MYH10: variants seen among roughly 807,000 people sequenced by gnomAD.
MYH10 encodes myosin heavy chain 10, also known as myosin-10.
A neutral mutation model predicts 257.8 loss-of-function variants in MYH10; 55 were observed. That is an observed-to-expected ratio of 0.21 (90% CI 0.17 to 0.27). The LOEUF is 0.27. Ranked by LOEUF, MYH10 falls within the 10% of genes least tolerant of loss-of-function variation. MYH10 has a pLI of 1.00. For missense variants in MYH10, 1,631 were observed against 2,500.6 expected, an observed-to-expected ratio of 0.65 and a Z score of 7.42; for synonymous variants, 854 against 921.7, an observed-to-expected ratio of 0.93 and a Z score of 1.33.
intron 24 of MYH10, chr17:8,511,015 C>CATATATATAT (rs56144668): frequency 3.0e-4 from 36 of 120,518 alleles, no homozygotes; most frequent in African/African-American, 1.3e-3. Context: ...TCATGTACCC[C>CATATATATAT]ATATATATAT....
In MYH10 at chr17:8,500,442, A is replaced by C. The variant is rs776156096; in HGVS notation, c.3744+384T>G. On this transcript the variant is annotated intron_variant, in intron 29 of 42. Transcript: ENST00000360416. ...GGACAAGAAGGGAGAGATGAATGTC[A>C]GGAACCCCTGAAGGGGAACATCGGC... Among the ~76,000 whole-genome samples the C allele has an allele frequency of 3.5e-4, 53 of 152,244 alleles. 2 individuals carry two copies. The highest frequency in any genetic ancestry group is 5.8e-4 in the East Asian group (3 of 5,204).
chr17:8,586,914 T>C (rs909647142), intron 4 of MYH10, among the ~76,000 whole-genome samples: 1 of 152,168 alleles, frequency 6.6e-6, no homozygotes, highest in South Asian at 2.1e-4. Context: ...GCTAAAGTAA[T>C]GGCTCCAATT....
At chr17:8,573,017 T>C (rs1414976030) in intron 6 of MYH10, among the ~76,000 whole-genome samples, 4 of 152,232 alleles carry the variant, frequency 2.6e-5, no homozygotes, top group African/African-American at 9.6e-5. Context: ...GCAATGTCCC[T>C]TGTTTCTATT....
At chr17:8,544,239 TCA>T (rs1342551626) in intron 13 of MYH10, among the ~76,000 whole-genome samples, 2 of 152,362 alleles carry the variant, frequency 1.3e-5, no homozygotes, top group Admixed American at 1.3e-4. Flanking sequence ...TACATAAATG[TCA>T]CATTTTCCCA....
intron 2 of MYH10, among the ~76,000 whole-genome samples, chr17:8,618,531 G>A (rs1177119558): frequency 1.3e-5 from 2 of 152,170 alleles, no homozygotes; most frequent in African/African-American, 2.4e-5. Context: ...TAGTCACTGC[G>A]ACTGGCCAAC....
intron 14 of MYH10, among the ~76,000 whole-genome samples, chr17:8,541,115 T>C (rs1027628064): frequency 3.9e-5 from 6 of 152,204 alleles, no homozygotes; most frequent in African/African-American, 1.4e-4. Context: ...GTCTTCTAGG[T>C]TCTTCCTCTT....
intron 6 of MYH10, among the ~76,000 whole-genome samples, chr17:8,570,551 G>T (rs191031893): frequency 1.3e-4 from 20 of 152,268 alleles, no homozygotes; most frequent in African/African-American, 4.6e-4. Context: ...GCCATGAAAA[G>T]CACCAGAAGT....
chr17:8,563,893 A>T (rs201624043), intron 7 of MYH10, among the ~76,000 whole-genome samples: 61,827 of 143,838 alleles, frequency 0.43, 13,113 homozygotes, highest in East Asian at 0.5. Flanking sequence ...TCAACTTGGA[A>T]AAAAAAAAAA....
chr17:8,481,059 C>T (rs1201711642), intron 38 of MYH10, among the ~76,000 whole-genome samples: 3 of 54,488 alleles, frequency 5.5e-5, no homozygotes, highest in African/African-American at 1.7e-4. Context: ...TGCCCGTTGG[C>T]GCACCCCACG....
At chr17:8,560,486 G>C (rs550409908) in intron 7 of MYH10, 21 of 511,310 alleles carry the variant, frequency 4.1e-5, no homozygotes, top group South Asian at 3.4e-4. Context: ...ACGCCACTGT[G>C]TTCTTTTGAC....
At chr17:8,554,850 G>A (rs1342454300) in intron 7 of MYH10, among the ~76,000 whole-genome samples, 3 of 152,258 alleles carry the variant, frequency 2.0e-5, no homozygotes, top group African/African-American at 4.8e-5. Flanking sequence ...CTACTCGGGA[G>A]GCAGAGGCCA....
chr17:8,579,187 G>A (rs1263276022), intron 4 of MYH10, among the ~76,000 whole-genome samples: 1 of 152,036 alleles, frequency 6.6e-6, no homozygotes, highest in African/African-American at 2.4e-5. Flanking sequence ...GCTGAGGTGG[G>A]AAGATCTCTC....
At chr17:8,561,217 C>A in intron 7 of MYH10, 2 of 779,616 alleles carry the variant, frequency 2.6e-6, no homozygotes, top group South Asian at 1.4e-5. Context: ...CCTCTCCGGT[C>A]CGTGCCTCCA....
chr17:8,563,634 A>T (rs982535087), intron 7 of MYH10, among the ~76,000 whole-genome samples: 1 of 152,192 alleles, frequency 6.6e-6, no homozygotes, highest in Non-Finnish European at 1.5e-5. Context: ...TGCCTCAGTA[A>T]ATCTTTCAGG....
intron 7 of MYH10, among the ~76,000 whole-genome samples, chr17:8,564,285 C>G (rs1410643154): frequency 6.6e-6 from 1 of 152,178 alleles, no homozygotes; most frequent in African/African-American, 2.4e-5. Flanking sequence ...GATTCTAAAG[C>G]TTATGGAGTT....
chr17:8,556,987 G>A (rs895829198), intron 7 of MYH10, among the ~76,000 whole-genome samples: 5 of 152,018 alleles, frequency 3.3e-5, no homozygotes, highest in East Asian at 1.9e-4. Flanking sequence ...AGTGAAAGCC[G>A]TTAGATTTAC....
chr17:8,595,057 T>C (rs2084309885), intron 3 of MYH10, among the ~76,000 whole-genome samples: 1 of 152,166 alleles, frequency 6.6e-6, no homozygotes, highest in South Asian at 2.1e-4. Context: ...CCATGGAATA[T>C]GCATATAATG....
At chr17:8,573,858 C>T (rs1175055901) in intron 6 of MYH10, 5 of 973,548 alleles carry the variant, frequency 5.1e-6, no homozygotes, top group Non-Finnish European at 6.1e-6. Context: ...AAAAGACTGA[C>T]CACACCGCTC....
At chr17:8,539,733 A>G (rs1321278520) in intron 14 of MYH10, among the ~76,000 whole-genome samples, 3 of 152,060 alleles carry the variant, frequency 2.0e-5, no homozygotes, top group African/African-American at 7.2e-5. Flanking sequence ...TACTACAGGC[A>G]CATGACACCA....
Sources: gnomAD v4.1 joint callset for allele counts (sites outside exome capture counted in the v4.1 genomes callset) on GRCh38, gnomAD v4.1.1 for gene constraint, MANE v1.5 for transcripts, NCBI Gene and HGNC (gene_info 2026-07-23, HGNC 2026-07-21) for gene names.